RBFOX3: variants seen among roughly 807,000 people sequenced by gnomAD.
RBFOX3 encodes RNA binding fox-1 homolog 3.
A neutral mutation model predicts 48.7 loss-of-function variants in RBFOX3; 17 were observed. That is an observed-to-expected ratio of 0.35 (90% CI 0.24 to 0.52). RBFOX3 has a LOEUF of 0.52. Ranked by LOEUF, RBFOX3 falls within the 20% of genes least tolerant of loss-of-function variation. The pLI is 0.94. For missense variants in RBFOX3, 382 were observed against 497.5 expected (o/e 0.77, Z 2.21); for synonymous variants, 212 against 209.5 (o/e 1.01, Z -0.10).
rs1001601368 is a variant in RBFOX3, at chr17:79,469,505, C to T, written c.-175+12949G>A. Among the ~76,000 whole-genome samples, 598 of 152,278 alleles carry T rather than the reference C, an allele frequency of 3.9e-3. 2 individuals carry two copies. Among genetic ancestry groups the T allele is most frequent in the African/African-American group, 0.014 (565 of 41,554 alleles). On this transcript the variant is annotated intron_variant, in intron 2 of 14. Transcript: ENST00000693108. ...TGCCCTGTGCCTACATTCCCTGTGC[C>T]GTCCCTGTCCCCTGTCCTGCAGGTA...
intron 1 of RBFOX3, among the ~76,000 whole-genome samples, chr17:79,584,527 G>A (rs1020340154): frequency 2.7e-4 from 41 of 150,860 alleles, no homozygotes; most frequent in African/African-American, 9.6e-4. Flanking sequence ...TAAAGAAAAT[G>A]TTATATATAC....
intron 4 of RBFOX3, among the ~76,000 whole-genome samples, chr17:79,143,232 AG>A (rs2042267312): frequency 6.6e-6 from 1 of 152,098 alleles, no homozygotes; most frequent in Non-Finnish European, 1.5e-5. Context: ...TGGCTGTGCC[AG>A]CTCGCCCGAG....
At chr17:79,122,124 C>T (rs187557355) in intron 4 of RBFOX3, among the ~76,000 whole-genome samples, 176 of 152,124 alleles carry the variant, frequency 1.2e-3, no homozygotes, top group Non-Finnish European at 1.9e-3. Flanking sequence ...CCACACACCA[C>T]AAACAGTCCA....
chr17:79,489,301 A>G (rs1316819347), intron 1 of RBFOX3, among the ~76,000 whole-genome samples: 2 of 147,116 alleles, frequency 1.4e-5, no homozygotes, highest in Non-Finnish European at 3.0e-5. Context: ...TTCTTCATTT[A>G]TTTTATTTTT....
chr17:79,190,205 A>C (rs1567812905), intron 4 of RBFOX3, among the ~76,000 whole-genome samples: 1 of 152,200 alleles, frequency 6.6e-6, no homozygotes, highest in Non-Finnish European at 1.5e-5. Flanking sequence ...TGAGGCCAGG[A>C]GTTTGAGATC....
intron 2 of RBFOX3, among the ~76,000 whole-genome samples, chr17:79,396,828 A>C (rs1456278457): frequency 6.6e-6 from 1 of 152,226 alleles, no homozygotes; most frequent in African/African-American, 2.4e-5. Context: ...ACAACAGGGC[A>C]TGAAACCCAG....
intron 2 of RBFOX3, among the ~76,000 whole-genome samples, chr17:79,408,946 G>A (rs1049691481): frequency 6.6e-6 from 1 of 152,002 alleles, no homozygotes. Context: ...ATTCCATCAC[G>A]CCAACAGAAA....
intron 1 of RBFOX3, among the ~76,000 whole-genome samples, chr17:79,554,778 A>G (rs890787003): frequency 6.6e-6 from 1 of 152,264 alleles, no homozygotes; most frequent in Non-Finnish European, 1.5e-5. Flanking sequence ...TTGAATATTA[A>G]TTCTATTCCA....
At chr17:79,131,629 G>T (rs1315276804) in intron 4 of RBFOX3, among the ~76,000 whole-genome samples, 2 of 152,214 alleles carry the variant, frequency 1.3e-5, no homozygotes, top group African/African-American at 4.8e-5. Flanking sequence ...TTTTCTTTTG[G>T]TAACTGTATC....
rs962479300 is a variant in RBFOX3 at position 79,094,519 on chromosome 17, C to T, written c.1009G>A (p.Val337Ile). The change falls in exon 14 of 15, where the codon GTC becomes ATC. Residue 337 changes from valine (V) to isoleucine (I), a missense_variant. By Grantham distance (29) the Val-to-Ile change is conservative (BLOSUM62 3). This residue lies in a region of RBFOX3 where 215 missense variants were observed against 254.8 expected (regional missense o/e 0.84). Coordinates refer to ENST00000693108, the MANE Select transcript of RBFOX3 (RefSeq NM_001350451.2). ...AAAYSDSYGR[V>I]YAAADPYHHT... ...TGGTACGGGTCGGCAGCTGCGTAGA[C>T]TCTGCCGTAACTAGGGAAGAGCGTG... 9.0e-6 allele frequency: 12 copies of T among 1,333,532 alleles called. No homozygotes were observed. The highest frequency in any genetic ancestry group is 2.2e-4 in the Middle Eastern group (1 of 4,544). 82.6% of individuals were successfully genotyped at this position (1,333,532 alleles called of 1,614,324 possible). A position where few individuals can be genotyped will look rare whatever the true frequency, so the allele number is the denominator to read the frequency against.
chr17:79,356,364 T>G (rs1223523174), intron 2 of RBFOX3, among the ~76,000 whole-genome samples: 16 of 91,134 alleles, frequency 1.8e-4, no homozygotes, highest in Admixed American at 5.2e-4. Context: ...TTTTTTTTTT[T>G]TTTTTTTTTT....
At position 79,323,455 on chromosome 17, in the gene RBFOX3, CT is replaced by C. The variant is rs142993076; in HGVS notation, c.-174-15632del. Among the ~76,000 whole-genome samples the C allele has an allele frequency of 6.6e-4, 100 of 152,308 alleles. 2 individuals carry two copies. The East Asian group carries it at 0.017, about 26-fold the overall frequency. ...ACGAGAGATGGTTGCGAGAGGTCCA[CT>C]GTTTTGTGAAGTGAGTTTTTAAGCC... On this transcript the variant is annotated intron_variant, in intron 2 of 14. Transcript: ENST00000693108.
At chr17:79,438,281 G>T (rs1012816666) in intron 2 of RBFOX3, among the ~76,000 whole-genome samples, 2 of 152,212 alleles carry the variant, frequency 1.3e-5, no homozygotes, top group Non-Finnish European at 2.9e-5. Flanking sequence ...CACCGCTAGC[G>T]CTGGGTTCTA....
At chr17:79,288,680 T>C (rs2072560223) in intron 3 of RBFOX3, among the ~76,000 whole-genome samples, 1 of 152,114 alleles carries the variant, frequency 6.6e-6, no homozygotes, top group South Asian at 2.1e-4. Context: ...CTCTTTCCCC[T>C]GGGCCTAGCT....
intron 2 of RBFOX3, among the ~76,000 whole-genome samples, chr17:79,460,273 C>T (rs1426370357): frequency 1.3e-5 from 2 of 152,018 alleles, no homozygotes; most frequent in African/African-American, 4.8e-5. Flanking sequence ...ACAATTTTAC[C>T]TCATTAAAAA....
At chr17:79,276,485 A>C (rs886221941) in intron 3 of RBFOX3, among the ~76,000 whole-genome samples, 4 of 152,172 alleles carry the variant, frequency 2.6e-5, no homozygotes, top group Non-Finnish European at 5.9e-5. Context: ...CAGGAGTTCG[A>C]GACCAGCCTG....
At chr17:79,137,134 T>G (rs1449987565) in intron 4 of RBFOX3, among the ~76,000 whole-genome samples, 1 of 152,066 alleles carries the variant, frequency 6.6e-6, no homozygotes, top group Non-Finnish European at 1.5e-5. Flanking sequence ...GGATGCATCC[T>G]CACAGAGACA....
rs778194522 is a variant in RBFOX3 at position 79,220,619 on chromosome 17, G to T, written c.-34+15147C>A. Among the ~76,000 whole-genome samples the T allele has an allele frequency of 1.7e-4, 25 of 151,046 alleles. No individual in the cohort carries two copies. The highest frequency in any genetic ancestry group is 3.4e-4 in the Non-Finnish European group (23 of 67,860). On this transcript the variant is annotated intron_variant, in intron 4 of 14. Transcript: ENST00000693108. The surrounding 1 kb of genome is among the most constrained non-coding windows in gnomAD (Gnocchi z 5.9). ...GGAGGGTGTGTGTGTGTGTGTGTCG[G>T]GGGGACACAAAACCTTCCAGCCTAG...
intron 2 of RBFOX3, among the ~76,000 whole-genome samples, chr17:79,365,205 A>G (rs892989762): frequency 6.6e-6 from 1 of 152,000 alleles, no homozygotes; most frequent in African/African-American, 2.4e-5. Flanking sequence ...TGCTCTTTTC[A>G]ACTCCTTTAA....
Sources: gnomAD v4.1 joint callset for allele counts (sites outside exome capture counted in the v4.1 genomes callset) on GRCh38, gnomAD v4.1.1 for gene constraint, gnomAD v4.1.1 regional missense constraint, Gnocchi (gnomAD v3.1) non-coding constraint, MANE v1.5 for transcripts, NCBI Gene and HGNC (gene_info 2026-07-23, HGNC 2026-07-21) for gene names.